The following PTBP1 variants were observed in gnomAD, a reference collection of about 807,000 sequenced individuals.
PTBP1 encodes polypyrimidine tract binding protein 1.
PTBP1 carries 8 observed loss-of-function variants against 59.8 expected under a neutral mutation model. The observed-to-expected ratio is 0.13, with a 90% CI of 0.08 to 0.24. The LOEUF (loss-of-function observed/expected upper bound fraction) is 0.24, where lower values mean the gene tolerates loss of function less well. PTBP1 is among the 10% of genes least tolerant of loss of function. PTBP1 has a pLI of 1.00. For missense variants in PTBP1, 686 were observed against 767.0 expected, an observed-to-expected ratio of 0.89 and a Z score of 1.25; for synonymous variants, 490 against 320.7, an observed-to-expected ratio of 1.53 and a Z score of -5.64.
At position 810,760 on chromosome 19, in the gene PTBP1, C is replaced by T. The variant is rs750796435; in HGVS notation, c.1608C>T (p.Asp536=). ...SVEEAVQALI[D]LHNHDLGENH... is the part of the protein sequence containing the mutation. ...AGGAGGCGGTCCAGGCCCTCATTGA[C>T]CTGCACAACCACGACCTCGGGGAGA... Residue 536 remains aspartate (D), a synonymous_variant, in exon 15 of 15, where the codon GAC becomes GAT. Transcript: ENST00000356948. 3 of 1,607,244 alleles carry T rather than the reference C, an allele frequency of 1.9e-6. No homozygotes were observed. The Admixed American group carries it at 5.1e-5, about 28-fold the overall frequency.
chr19:805,048 C>T lies in PTBP1; in HGVS notation c.753C>T (p.Cys251=), dbSNP rs996929717. The T allele has an allele frequency of 6.2e-7, 1 of 1,613,846 alleles. No individual in the cohort carries two copies. The highest frequency in any genetic ancestry group is 8.5e-7 in the Non-Finnish European group (1 of 1,179,858). Residue 251 remains cysteine, a synonymous_variant, in exon 8 of 15, where the codon TGC becomes TGT. Transcript: ENST00000356948. Reference sequence around the variant, plus strand: ...GGCAGAACATCTACAACGCCTGCTGCACGCTGCGCATCGACTTTTCCAAGC... The same window carrying T: ...GGCAGAACATCTACAACGCCTGCTGTACGCTGCGCATCGACTTTTCCAAGC... ...LDGQNIYNAC[C]TLRIDFSKLT...
At chr19:805,259 G>A (rs776406603) in intron 8 of PTBP1, 72 bp downstream of exon 8, 223 of 1,546,308 alleles carry the variant, frequency 1.4e-4, no homozygotes, top group Non-Finnish European at 1.9e-4. Context: ...GAGCCCCGGC[G>A]GCACGGGCCC....
intron 2 of PTBP1, among the ~76,000 whole-genome samples, chr19:801,296 C>T (rs1202838681): frequency 6.6e-6 from 1 of 152,206 alleles, no homozygotes; most frequent in African/African-American, 2.4e-5. Context: ...GGTTGCTGCC[C>T]TGTGGAGCCT....
chr19:798,286 T>G (rs1432734628), intron 1 of PTBP1: 1 of 151,046 alleles, frequency 6.6e-6, no homozygotes, highest in Non-Finnish European at 1.5e-5. Flanking sequence ...GCGGCTTTGC[T>G]GGGCGGGCTT....
intron 2 of PTBP1, among the ~76,000 whole-genome samples, chr19:801,312 C>T (rs1395826072): frequency 1.3e-5 from 2 of 152,232 alleles, no homozygotes; most frequent in African/African-American, 4.8e-5. Context: ...AGCCTCGGAG[C>T]CTCCAGGTGT....
rs1435733706 is a variant in PTBP1, at chr19:806,190, C to CGGCCCGTGCTGTGAGGAGA, written c.971-214_971-196dup. 4 of 486,984 alleles carry CGGCCCGTGCTGTGAGGAGA rather than the reference C, an allele frequency of 8.2e-6. No homozygotes were observed. The African/African-American group carries it at 8.3e-5, about 10-fold the overall frequency. 30.2% of individuals were successfully genotyped at this position (486,984 alleles called of 1,614,324 possible). A position where few individuals can be genotyped will look rare whatever the true frequency, so the allele number is the denominator to read the frequency against. ...CATGCAGATGAGCCCAGGCCCGGCCCGGCCCGTGCTGTGAGGAGAGGCGGG... is the reference window on the plus strand; with the variant it reads ...CATGCAGATGAGCCCAGGCCCGGCCCGGCCCGTGCTGTGAGGAGAGGCCCGTGCTGTGAGGAGAGGCGGG... On this transcript the variant is annotated intron_variant, in intron 9 of 14. Transcript: ENST00000356948.
At chr19:805,724 C>T in intron 9 of PTBP1, 155 bp downstream of exon 9, 1 of 678,892 alleles carries the variant, frequency 1.5e-6, no homozygotes, top group Non-Finnish European at 2.6e-6. Context: ...GTCCACAGAG[C>T]AGGCTTGGCC....
intron 2 of PTBP1, among the ~76,000 whole-genome samples, chr19:800,948 T>C (rs988542897): frequency 6.6e-6 from 1 of 152,138 alleles, no homozygotes; most frequent in African/African-American, 2.4e-5. Flanking sequence ...AGGGCAGGGT[T>C]AGGGCTCCTG....
chr19:806,069 C>T (rs753993714), intron 9 of PTBP1: 4 of 273,236 alleles, frequency 1.5e-5, no homozygotes, highest in Non-Finnish European at 2.7e-5. Flanking sequence ...GAGGCATGGG[C>T]GCGCATGCGC....
chr19:807,723 A>G, intron 10 of PTBP1, 146 bp from the exon 11 acceptor site: 2 of 653,632 alleles, frequency 3.1e-6, no homozygotes, highest in Non-Finnish European at 5.5e-6. Flanking sequence ...CTGCCCTTGA[A>G]TATTAACATC....
chr19:808,132 C>T lies in PTBP1; in HGVS notation c.1154-228C>T, dbSNP rs1460463038. On this transcript the variant is annotated intron_variant, in intron 11 of 14. Transcript: ENST00000356948. The surrounding 1 kb of genome is among the most constrained non-coding windows in gnomAD (Gnocchi z 4.7). The stretch of plus-strand genomic sequence containing the variant: ...TAGACCTGTCGGTGGCATATGCCAC[C>T]GTGGCCACCCGCTGGCAGCTTACCT... 13 of 629,164 alleles carry T rather than the reference C, an allele frequency of 2.1e-5. No homozygotes were observed. Among genetic ancestry groups the T allele is most frequent in the South Asian group, 9.7e-5 (5 of 51,616 alleles). The allele number at this position is 629,164 out of a possible 1,614,324, so 39.0% of individuals were successfully genotyped here.
rs761775198 is a variant in PTBP1, at chr19:797,459, C to T, written c.-39C>T. 11 of 1,599,114 alleles carry T rather than the reference C, an allele frequency of 6.9e-6. No homozygotes were observed. The highest frequency in any genetic ancestry group is 3.3e-5 in the South Asian group (3 of 90,114). On this transcript the variant is annotated 5_prime_UTR_variant, in exon 1 of 15. Coordinates refer to ENST00000356948, the MANE Select transcript of PTBP1 (RefSeq NM_002819.5). ...GTTGGGTCGGTTCCTGCTATTCCGG[C>T]GCCTCCACTCCGTCCCCCGCGGGTC...
In PTBP1 at chr19:797,481, G is replaced by A; in HGVS notation, c.-17G>A. 4.4e-6 allele frequency: 7 copies of A among 1,592,726 alleles called. No homozygotes were observed. Among genetic ancestry groups the A allele is most frequent in the Non-Finnish European group, 6.0e-6 (7 of 1,173,384 alleles). On this transcript the variant is annotated 5_prime_UTR_variant, in exon 1 of 15. Coordinates refer to ENST00000356948, the MANE Select transcript of PTBP1 (RefSeq NM_002819.5). Reference sequence around the variant, plus strand: ...CGGCGCCTCCACTCCGTCCCCCGCGGGTCTGCTCTGTGTGCCATGGACGGG... The same window carrying A: ...CGGCGCCTCCACTCCGTCCCCCGCGAGTCTGCTCTGTGTGCCATGGACGGG...
intron 10 of PTBP1, 127 bp downstream of exon 10, chr19:806,683 T>C: frequency 1.1e-6 from 1 of 870,862 alleles, no homozygotes; most frequent in Non-Finnish European, 1.6e-6. Context: ...TGGCAGCCCC[T>C]CTGCTGCAGC....
In PTBP1 at chr19:805,100, A is replaced by G. The variant is rs2034501414; in HGVS notation, c.805A>G (p.Asn269Asp). The G allele has an allele frequency of 6.2e-7, 1 of 1,613,740 alleles. No individual in the cohort carries two copies. The highest frequency in any genetic ancestry group is 1.7e-5 in the Admixed American group (1 of 60,002). The change falls in exon 8 of 15, where the codon AAT becomes GAT. Residue 269 changes from asparagine to aspartate, a missense_variant. Coordinates refer to ENST00000356948, the MANE Select transcript of PTBP1 (RefSeq NM_002819.5). ...KLTSLNVKYN[N>D]DKSRDYTRPD... is the part of the protein sequence containing the mutation. ...CACCAGCCTCAACGTCAAGTACAACAATGACAAGAGCCGTGACTACACACG... is the reference window on the plus strand; with the variant it reads ...CACCAGCCTCAACGTCAAGTACAACGATGACAAGAGCCGTGACTACACACG...
intron 2 of PTBP1, among the ~76,000 whole-genome samples, chr19:802,423 C>G (rs1246965471): frequency 8.9e-6 from 1 of 111,824 alleles, no homozygotes; most frequent in African/African-American, 3.6e-5. Flanking sequence ...GCTCCTTGAC[C>G]AGGCATGGGG....
Position 808,409 on chromosome 19 carries a change from G to A in PTBP1, c.1203G>A (p.Glu401=), listed in dbSNP as rs770907152. 26 of 1,607,432 alleles carry A rather than the reference G, an allele frequency of 1.6e-5. No individual in the cohort carries two copies. The East Asian group carries it at 5.6e-4, about 35-fold the overall frequency. Residue 401 remains glutamate, a synonymous_variant, in exon 12 of 15, where the codon GAG becomes GAA. Transcript: ENST00000356948. This position sits in a 1 kb window ranked among gnomAD's most constrained non-coding sequence, Gnocchi z 4.7. ...TGAAGATCCTGTTCAATAAGAAGGA[G>A]AACGCCCTAGTGCAGATGGCGGACG... is the stretch of plus-strand genomic sequence containing the variant. The part of the protein sequence containing the change: ...QRVKILFNKK[E]NALVQMADGN...
At chr19:798,047 C>G (rs369244946) in intron 1 of PTBP1, among the ~76,000 whole-genome samples, 1 of 151,460 alleles carries the variant, frequency 6.6e-6, no homozygotes, top group Non-Finnish European at 1.5e-5. Flanking sequence ...GGAGGGAAAG[C>G]TGGCGCCGGG....
At chr19:807,795 C>T (rs1912793002) in intron 10 of PTBP1, 74 bp from the exon 11 acceptor site, 5 of 1,187,138 alleles carry the variant, frequency 4.2e-6, no homozygotes, top group Non-Finnish European at 6.3e-6. Context: ...CTCGTGTGGA[C>T]GATTGGCAAC....
Sources: allele counts gnomAD v4.1 joint callset (sites outside exome capture counted in the v4.1 genomes callset), GRCh38; gene constraint gnomAD v4.1.1; non-coding constraint Gnocchi (gnomAD v3.1); transcripts MANE v1.5; gene names NCBI Gene and HGNC (gene_info 2026-07-23, HGNC 2026-07-21).